DLG2: variants seen among roughly 807,000 people sequenced by gnomAD.
The protein encoded by DLG2 is disks large homolog 2.
DLG2 carries 45 observed loss-of-function variants against 132.5 expected under a neutral mutation model. That is an observed-to-expected ratio of 0.34 (90% CI 0.27 to 0.44). DLG2 has a LOEUF of 0.44. DLG2 is among the 20% of genes least tolerant of loss of function. The pLI is 1.00. For missense variants in DLG2, 1,045 were observed against 1,196.9 expected (o/e 0.87, Z 1.87); for synonymous variants, 424 against 419.6 (o/e 1.01, Z -0.13).
chr11:85,468,101 G>A lies in DLG2; in HGVS notation c.40+130556C>T, dbSNP rs569162023. Reference sequence around the variant, plus strand: ...AGATTTTCTAGTTTATTTGTGTAGAGGTGTTTATAGTATTCTCTGATTGTA... The same window carrying A: ...AGATTTTCTAGTTTATTTGTGTAGAAGTGTTTATAGTATTCTCTGATTGTA... On this transcript the variant is annotated intron_variant, in intron 3 of 27. Coordinates refer to ENST00000376104, the MANE Select transcript of DLG2 (RefSeq NM_001142699.3). 4.3e-4 allele frequency among the ~76,000 whole-genome samples: 66 copies of A among 152,276 alleles called. 1 individual carries two copies. Among genetic ancestry groups the A allele is most frequent in the Admixed American group, 3.5e-3 (54 of 15,282 alleles).
At chr11:85,609,013 A>C (rs902102896) in intron 2 of DLG2, among the ~76,000 whole-genome samples, 5 of 152,190 alleles carry the variant, frequency 3.3e-5, no homozygotes, top group African/African-American at 1.2e-4. Context: ...AGCCATCCCC[A>C]GTATGGATCC....
At chr11:84,579,225 T>TG (rs2099510774) in intron 6 of DLG2, among the ~76,000 whole-genome samples, 1 of 129,086 alleles carries the variant, frequency 7.7e-6, no homozygotes, top group African/African-American at 2.9e-5. Context: ...GTGTGTGTCT[T>TG]TCTTTTCTAC....
intron 8 of DLG2, among the ~76,000 whole-genome samples, chr11:84,237,921 AAT>A (rs2097178707): frequency 6.6e-6 from 1 of 151,830 alleles, no homozygotes; most frequent in African/African-American, 2.4e-5. Context: ...GGGCACCTGT[AAT>A]CCCAGCTACT....
chr11:84,553,448 T>G (rs1175674376), intron 6 of DLG2, among the ~76,000 whole-genome samples: 3 of 152,198 alleles, frequency 2.0e-5, no homozygotes, highest in Admixed American at 6.5e-5. Context: ...AAAGTGCATG[T>G]TAGAATCAAT....
intron 19 of DLG2, among the ~76,000 whole-genome samples, chr11:83,587,700 G>C (rs1049418681): frequency 1.3e-5 from 2 of 152,182 alleles, no homozygotes; most frequent in Non-Finnish European, 2.9e-5. Flanking sequence ...CGCAGAAGAC[G>C]GGTGATTTCT....
intron 18 of DLG2, among the ~76,000 whole-genome samples, chr11:83,679,291 G>A (rs1350011733): frequency 6.6e-6 from 1 of 152,120 alleles, no homozygotes; most frequent in African/African-American, 2.4e-5. Flanking sequence ...CACAGTGCCT[G>A]GGACATCATA....
At chr11:84,783,772 CAG>C (rs2072276743) in intron 6 of DLG2, among the ~76,000 whole-genome samples, 1 of 152,078 alleles carries the variant, frequency 6.6e-6, no homozygotes, top group Non-Finnish European at 1.5e-5. Flanking sequence ...ATTCCTGTTT[CAG>C]AGTTTTTCCT....
At chr11:85,615,983 A>G (rs146925013) in intron 2 of DLG2, among the ~76,000 whole-genome samples, 13 of 150,202 alleles carry the variant, frequency 8.7e-5, no homozygotes, top group African/African-American at 3.2e-4. Context: ...TAATTTTTAT[A>G]TGGTCTAGGT....
intron 3 of DLG2, among the ~76,000 whole-genome samples, chr11:85,322,497 G>T (rs150062570): frequency 8.6e-4 from 131 of 152,270 alleles, no homozygotes; most frequent in Non-Finnish European, 1.7e-3. Context: ...CCTCAGATTA[G>T]TGACTAATAT....
intron 6 of DLG2, among the ~76,000 whole-genome samples, chr11:84,556,519 A>C (rs1484587907): frequency 6.6e-6 from 1 of 152,188 alleles, no homozygotes; most frequent in East Asian, 1.9e-4. Context: ...ATAGCTGATG[A>C]GCTAAAAATA....
intron 19 of DLG2, among the ~76,000 whole-genome samples, chr11:83,593,954 A>G (rs1038702480): frequency 2.0e-5 from 3 of 152,212 alleles, no homozygotes; most frequent in African/African-American, 7.2e-5. Flanking sequence ...AAAAATGGCT[A>G]TATATATCGT....
intron 6 of DLG2, among the ~76,000 whole-genome samples, chr11:84,862,824 G>GC (rs1339173785): frequency 1.0e-4 from 13 of 127,586 alleles, no homozygotes; most frequent in South Asian, 6.2e-4. Context: ...TGTCGGGGGG[G>GC]GGGGGTGGGG....
At chr11:84,211,052 AAGT>A (rs1290620930) in intron 8 of DLG2, among the ~76,000 whole-genome samples, 3 of 152,328 alleles carry the variant, frequency 2.0e-5, no homozygotes, top group Non-Finnish European at 4.4e-5. Context: ...CAAGTTTCTA[AAGT>A]ATATCGTTGG....
At chr11:85,416,919 T>C (rs998621577) in intron 3 of DLG2, among the ~76,000 whole-genome samples, 3 of 152,194 alleles carry the variant, frequency 2.0e-5, no homozygotes, top group Non-Finnish European at 4.4e-5. Flanking sequence ...CTCTTCCTAT[T>C]TGAATATGCT....
At position 84,895,299 on chromosome 11, in the gene DLG2, T is replaced by C. The variant is rs950531548; in HGVS notation, c.357+216362A>G. 2.4e-4 allele frequency among the ~76,000 whole-genome samples: 36 copies of C among 152,074 alleles called. 1 individual carries two copies. Among genetic ancestry groups the C allele is most frequent in the African/African-American group, 7.2e-4 (30 of 41,434 alleles). On this transcript the variant is annotated intron_variant, in intron 6 of 27. Transcript: ENST00000376104. ...ATGCTATTTTAAAACAAAGCAATGG[T>C]TAGTTATTGAATACAAATATGATAC...
At chr11:84,037,558 G>A (rs1239922232) in intron 11 of DLG2, among the ~76,000 whole-genome samples, 1 of 152,054 alleles carries the variant, frequency 6.6e-6, no homozygotes, top group African/African-American at 2.4e-5. Flanking sequence ...CTGATTAAAG[G>A]ATATTCTTTA....
chr11:83,820,949 A>G (rs529188073), intron 17 of DLG2, among the ~76,000 whole-genome samples: 1 of 152,342 alleles, frequency 6.6e-6, no homozygotes, highest in African/African-American at 2.4e-5. Context: ...GAATCTTCTG[A>G]GAATTTCAGG....
intron 2 of DLG2, among the ~76,000 whole-genome samples, chr11:85,620,583 C>T (rs192836675): frequency 5.3e-5 from 8 of 152,274 alleles, no homozygotes; most frequent in Admixed American, 2.6e-4. Flanking sequence ...AGTGAACACA[C>T]GAATAATAAG....
At chr11:83,615,126 G>A (rs1042247927) in intron 19 of DLG2, among the ~76,000 whole-genome samples, 5 of 152,176 alleles carry the variant, frequency 3.3e-5, no homozygotes, top group East Asian at 1.9e-4. Flanking sequence ...TACCAGGCAA[G>A]TTTAGGAAGC....
Sources: allele counts gnomAD v4.1 joint callset (sites outside exome capture counted in the v4.1 genomes callset), GRCh38; gene constraint gnomAD v4.1.1; transcripts MANE v1.5; gene names NCBI Gene and HGNC (gene_info 2026-07-23, HGNC 2026-07-21).